The following DCC variants were observed in gnomAD, a reference collection of about 807,000 sequenced individuals.
DCC encodes DCC netrin 1 receptor, also known as netrin receptor DCC.
In DCC, 58 loss-of-function variants were observed where a neutral mutation model predicts 172.5. The ratio of observed to expected loss-of-function variants is 0.34; its 90% CI spans 0.27 to 0.42. The LOEUF is 0.42. Ranked by LOEUF, DCC falls within the 10% of genes least tolerant of loss-of-function variation. The pLI, the probability that DCC is intolerant of heterozygous loss-of-function variation, is 1.00. For missense variants in DCC, 1,740 were observed against 1,791.0 expected (o/e 0.97, Z 0.51); for synonymous variants, 709 against 644.5 (o/e 1.10, Z -1.52).
At chr18:53,289,720 G>A (rs1007717488) in intron 12 of DCC, among the ~76,000 whole-genome samples, 16 of 152,122 alleles carry the variant, frequency 1.1e-4, no homozygotes, top group Non-Finnish European at 2.9e-5. Context: ...AACCAGCCAT[G>A]TAATTTTGAG....
chr18:53,456,050 C>A (rs1174295017), intron 23 of DCC, among the ~76,000 whole-genome samples: 1 of 152,204 alleles, frequency 6.6e-6, no homozygotes, highest in Non-Finnish European at 1.5e-5. Flanking sequence ...ACAAAGGGAG[C>A]AGCTGGACAG....
At chr18:52,361,559 C>T (rs760818683) in intron 1 of DCC, among the ~76,000 whole-genome samples, 1 of 152,170 alleles carries the variant, frequency 6.6e-6, no homozygotes, top group Non-Finnish European at 1.5e-5. Context: ...AGTGTCAGTT[C>T]CAACGCCTCC....
chr18:52,944,778 G>A (rs114707458), intron 5 of DCC, among the ~76,000 whole-genome samples: 8,989 of 152,278 alleles, frequency 0.059, 358 homozygotes, highest in South Asian at 0.15. Context: ...CCACTGGACT[G>A]TAGACTTGAT....
chr18:53,285,639 G>A (rs533942595), intron 12 of DCC, among the ~76,000 whole-genome samples: 3 of 152,350 alleles, frequency 2.0e-5, no homozygotes, highest in Admixed American at 1.3e-4. Context: ...CCCTGCTGGG[G>A]CACTGCCTAG....
chr18:52,700,476 T>C (rs1459882649), intron 1 of DCC, among the ~76,000 whole-genome samples: 1 of 152,232 alleles, frequency 6.6e-6, no homozygotes, highest in Non-Finnish European at 1.5e-5. Flanking sequence ...CCTGTCATGC[T>C]ACATCCAGGT....
At chr18:53,373,428 T>G (rs1252837794) in intron 15 of DCC, among the ~76,000 whole-genome samples, 1 of 152,196 alleles carries the variant, frequency 6.6e-6, no homozygotes, top group Non-Finnish European at 1.5e-5. Flanking sequence ...ACTAAAATGC[T>G]ACTTGATTTT....
intron 2 of DCC, among the ~76,000 whole-genome samples, chr18:52,769,535 T>C (rs1163863740): frequency 6.6e-6 from 1 of 152,222 alleles, no homozygotes; most frequent in African/African-American, 2.4e-5. Flanking sequence ...GTCTTCATTC[T>C]CTTGATGGCA....
chr18:52,759,775 T>A (rs750108260), intron 2 of DCC, among the ~76,000 whole-genome samples: 1 of 152,218 alleles, frequency 6.6e-6, no homozygotes, highest in South Asian at 2.1e-4. Context: ...ACACTGTTAA[T>A]CTTGTTAATC....
chr18:53,381,114 G>T (rs1907693085), intron 15 of DCC, among the ~76,000 whole-genome samples: 1 of 50,546 alleles, frequency 2.0e-5, no homozygotes, highest in South Asian at 4.2e-4. Context: ...TCAAATTTAT[G>T]GGGGTTAGGA....
intron 7 of DCC, among the ~76,000 whole-genome samples, chr18:53,137,974 C>T (rs1209872631): frequency 6.7e-6 from 1 of 150,300 alleles, no homozygotes; most frequent in African/African-American, 2.5e-5. Flanking sequence ...TGCCACCATG[C>T]CCTGCTAACT....
chr18:53,390,390 A>G (rs752944517), intron 16 of DCC, among the ~76,000 whole-genome samples: 5 of 152,136 alleles, frequency 3.3e-5, no homozygotes, highest in Admixed American at 6.5e-5. Flanking sequence ...AATGCAGTGG[A>G]CAAAGTGAAG....
chr18:52,480,350 G>A (rs2029908031), intron 1 of DCC, among the ~76,000 whole-genome samples: 1 of 152,066 alleles, frequency 6.6e-6, no homozygotes, highest in Non-Finnish European at 1.5e-5. Context: ...ATTAAAGTGA[G>A]ACAAACAATA....
chr18:52,446,815 C>T (rs1484761285), intron 1 of DCC, among the ~76,000 whole-genome samples: 1 of 152,192 alleles, frequency 6.6e-6, no homozygotes, highest in Admixed American at 6.5e-5. Context: ...CTCCTGATCC[C>T]CTTAGTGGTT....
At chr18:52,702,067 T>G (rs543336877) in intron 1 of DCC, among the ~76,000 whole-genome samples, 143 of 152,304 alleles carry the variant, frequency 9.4e-4, no homozygotes, top group African/African-American at 3.1e-3. Context: ...GGATCCACCA[T>G]CTTGTCTTGC....
At chr18:53,453,046 G>T (rs892056327) in intron 23 of DCC, among the ~76,000 whole-genome samples, 87 of 152,126 alleles carry the variant, frequency 5.7e-4, no homozygotes, top group African/African-American at 2.0e-3. Context: ...CTCCCGAGTA[G>T]CTGGGACTAC....
chr18:52,557,637 A>C (rs770535405), intron 1 of DCC, among the ~76,000 whole-genome samples: 1 of 152,234 alleles, frequency 6.6e-6, no homozygotes, highest in African/African-American at 2.4e-5. Flanking sequence ...GAATTCATTC[A>C]TTCCACAAAT....
intron 15 of DCC, among the ~76,000 whole-genome samples, chr18:53,354,311 A>G (rs1376565725): frequency 6.6e-6 from 1 of 152,138 alleles, no homozygotes; most frequent in Admixed American, 6.5e-5. Flanking sequence ...TGGTATTTCT[A>G]GTTCTAGATC....
At chr18:53,336,958 G>A (rs2057598569) in intron 14 of DCC, among the ~76,000 whole-genome samples, 1 of 152,124 alleles carries the variant, frequency 6.6e-6, no homozygotes, top group African/African-American at 2.4e-5. Flanking sequence ...TTTTTCTAAT[G>A]TTAAAAATTA....
chr18:53,119,855 C>T (rs1290145414), intron 7 of DCC, among the ~76,000 whole-genome samples: 2 of 151,800 alleles, frequency 1.3e-5, no homozygotes, highest in Non-Finnish European at 2.9e-5. Context: ...TACTGACTTT[C>T]TCTGGCCTCT....
Sources: gnomAD v4.1 joint callset for allele counts (sites outside exome capture counted in the v4.1 genomes callset) on GRCh38, gnomAD v4.1.1 for gene constraint, MANE v1.5 for transcripts, NCBI Gene and HGNC (gene_info 2026-07-23, HGNC 2026-07-21) for gene names.